Variants in DLG5 observed in about 807,000 individuals in gnomAD.
DLG5 encodes the protein discs large MAGUK scaffold protein 5.
In DLG5, 48 loss-of-function variants were observed where a neutral mutation model predicts 189.8. The observed-to-expected ratio is 0.25, with a 90% CI of 0.20 to 0.32. The LOEUF (loss-of-function observed/expected upper bound fraction) is 0.32, where lower values mean the gene tolerates loss of function less well. DLG5 is among the 10% of genes least tolerant of loss of function. DLG5 has a pLI of 1.00. For missense variants in DLG5, 2,160 were observed against 2,544.7 expected, an observed-to-expected ratio of 0.85 and a Z score of 3.25; for synonymous variants, 1,016 against 1,054.1, an observed-to-expected ratio of 0.96 and a Z score of 0.70.
chr10:77,792,606 G>T, intron 31 of DLG5, 63 bp from the exon 32 acceptor site: 1 of 1,472,976 alleles, frequency 6.8e-7, no homozygotes, highest in Non-Finnish European at 9.5e-7. Flanking sequence ...TTGAGGCAAG[G>T]CAGTACAGCT....
intron 2 of DLG5, among the ~76,000 whole-genome samples, chr10:77,860,415 T>A (rs1248641): frequency 0.25 from 38,656 of 152,102 alleles, 5,483 homozygotes; most frequent in Admixed American, 0.39. Flanking sequence ...CTCCTGCCTC[T>A]GCCTACCAAG....
At chr10:77,892,653 C>T (rs967952590) in intron 1 of DLG5, among the ~76,000 whole-genome samples, 2 of 152,204 alleles carry the variant, frequency 1.3e-5, no homozygotes, top group Admixed American at 1.3e-4. Context: ...ACCTCGCACA[C>T]CAGACAGTGA....
chr10:77,873,031 G>GTGCA (rs201196944), intron 1 of DLG5, among the ~76,000 whole-genome samples: 2 of 45,488 alleles, frequency 4.4e-5, no homozygotes, highest in Non-Finnish European at 1.3e-4. Flanking sequence ...GTGTGTGTGT[G>GTGCA]CACACACACA....
At chr10:77,884,805 C>T (rs1021705853) in intron 1 of DLG5, among the ~76,000 whole-genome samples, 1 of 152,148 alleles carries the variant, frequency 6.6e-6, no homozygotes, top group African/African-American at 2.4e-5. Context: ...CTCAGATGTT[C>T]CAAACATGCT....
At chr10:77,828,486 CAAAAAA>C (rs34839290) in intron 13 of DLG5, among the ~76,000 whole-genome samples, 9 of 66,494 alleles carry the variant, frequency 1.4e-4, no homozygotes, top group African/African-American at 3.6e-4. Flanking sequence ...GACTCCATAT[CAAAAAA>C]AAAAAAAAAA....
intron 2 of DLG5, among the ~76,000 whole-genome samples, chr10:77,865,018 T>C (rs1450078724): frequency 1.3e-5 from 2 of 152,198 alleles, no homozygotes; most frequent in African/African-American, 4.8e-5. Flanking sequence ...CCAGAGCACT[T>C]TTCCTGGAAG....
chr10:77,830,633 G>A, intron 10 of DLG5, 108 bp downstream of exon 10: 2 of 1,511,298 alleles, frequency 1.3e-6, no homozygotes, highest in Non-Finnish European at 1.8e-6. Flanking sequence ...GGAGGAAAAG[G>A]AGAACCTCCA....
At chr10:77,849,917 T>A (rs918616978) in intron 5 of DLG5, among the ~76,000 whole-genome samples, 1 of 152,232 alleles carries the variant, frequency 6.6e-6, no homozygotes, top group Non-Finnish European at 1.5e-5. Context: ...TTGCCCAGGC[T>A]GATCTTGGAC....
intron 1 of DLG5, among the ~76,000 whole-genome samples, chr10:77,871,974 A>G (rs1216492580): frequency 1.3e-5 from 2 of 152,226 alleles, no homozygotes; most frequent in Admixed American, 6.5e-5. Context: ...AGAACCCAAC[A>G]CAATGCCTAT....
In DLG5 at chr10:77,853,548, C is replaced by T. The variant is rs754514734; in HGVS notation, c.681-11G>A. On this transcript the variant is annotated splice_polypyrimidine_tract_variant and intron_variant, in intron 4 of 31. Coordinates refer to ENST00000372391, the MANE Select transcript of DLG5 (RefSeq NM_004747.4). Reference sequence around the variant, plus strand: ...CGGCTGTGGAGTGTGCTGAAACACCCGGTACATGCTCAGTGAGCCCCAGCC... The same window carrying T: ...CGGCTGTGGAGTGTGCTGAAACACCTGGTACATGCTCAGTGAGCCCCAGCC... 4 of 1,574,742 alleles carry T rather than the reference C, an allele frequency of 2.5e-6. No homozygotes were observed. The highest frequency in any genetic ancestry group is 1.2e-5 in the South Asian group (1 of 86,094).
intron 24 of DLG5, among the ~76,000 whole-genome samples, chr10:77,808,221 G>C (rs1200781219): frequency 6.6e-6 from 1 of 152,200 alleles, no homozygotes; most frequent in Non-Finnish European, 1.5e-5. Flanking sequence ...TGGCAAGTCT[G>C]GGCTTTTCAG....
intron 14 of DLG5, among the ~76,000 whole-genome samples, chr10:77,823,952 T>C (rs1354625607): frequency 6.6e-6 from 1 of 152,162 alleles, no homozygotes; most frequent in Non-Finnish European, 1.5e-5. Flanking sequence ...AAGGTCTCGC[T>C]GTGTTGCTGG....
chr10:77,911,636 G>T (rs1846224365), intron 1 of DLG5, among the ~76,000 whole-genome samples: 1 of 151,964 alleles, frequency 6.6e-6, no homozygotes, highest in African/African-American at 2.4e-5. Context: ...AGCAAACTGG[G>T]GTGGACTCTG....
intron 7 of DLG5, among the ~76,000 whole-genome samples, chr10:77,837,712 T>C (rs1160153995): frequency 1.3e-5 from 2 of 152,132 alleles, no homozygotes; most frequent in African/African-American, 4.8e-5. Context: ...TCGCCAGGGC[T>C]CCCCCATCCT....
chr10:77,810,390 G>C (rs1841702512), intron 23 of DLG5, among the ~76,000 whole-genome samples: 1 of 152,236 alleles, frequency 6.6e-6, no homozygotes, highest in Admixed American at 6.5e-5. Flanking sequence ...CATTCTGTGA[G>C]ATGCTGCCCA....
chr10:77,860,459 G>A (rs1014064412), intron 2 of DLG5, among the ~76,000 whole-genome samples: 5 of 152,110 alleles, frequency 3.3e-5, no homozygotes, highest in Non-Finnish European at 5.9e-5. Context: ...CACCATGCCC[G>A]GCTAATTTTT....
In DLG5 at chr10:77,800,985, T is replaced by C. The variant is rs548866784; in HGVS notation, c.5165-4391A>G. ...TGAGTCTGTGGCTGGATCAAAGTGA[T>C]CTGCGAGCAGCGGCTATCTCCAGAG... On this transcript the variant is annotated intron_variant, in intron 27 of 31. Transcript: ENST00000372391. 1.1e-4 allele frequency among the ~76,000 whole-genome samples: 16 copies of C among 152,292 alleles called. No homozygotes were observed. The East Asian group carries it at 3.1e-3, about 29-fold the overall frequency.
At position 77,821,899 on chromosome 10, in the gene DLG5, C is replaced by A; in HGVS notation, c.2585G>T (p.Gly862Val). Reference protein sequence around the residue: ...LEDRKEPGPPGGSSSFLHKPF... With the variant: ...LEDRKEPGPPVGSSSFLHKPF... Reference sequence around the variant, plus strand: ...CTTATGCAGAAAGGAGCTGCTGCCTCCTGGGGGGCCTGGCTCCTTCCTGTC... The same window carrying A: ...CTTATGCAGAAAGGAGCTGCTGCCTACTGGGGGGCCTGGCTCCTTCCTGTC... Residue 862 changes from glycine (G) to valine (V), a missense_variant, in exon 15 of 32, where the codon GGA becomes GTA. Around this residue, in one of 5 missense-constraint regions of DLG5, gnomAD observed 754 missense variants for 746.5 expected, o/e 1.01. Transcript: ENST00000372391. 1 of 1,614,224 alleles carries A rather than the reference C, an allele frequency of 6.2e-7. No homozygotes were observed. The highest frequency in any genetic ancestry group is 8.5e-7 in the Non-Finnish European group (1 of 1,180,038).
chr10:77,886,140 A>G (rs1156562239), intron 1 of DLG5, among the ~76,000 whole-genome samples: 1 of 152,152 alleles, frequency 6.6e-6, no homozygotes, highest in East Asian at 1.9e-4. Context: ...AATAAAAACC[A>G]AAAATGTCTC....
Sources: allele counts gnomAD v4.1 joint callset (sites outside exome capture counted in the v4.1 genomes callset), GRCh38; gene constraint gnomAD v4.1.1; regional missense constraint gnomAD v4.1.1; transcripts MANE v1.5; gene names NCBI Gene and HGNC (gene_info 2026-07-23, HGNC 2026-07-21).